Variants in ERGIC1 observed in about 807,000 individuals in gnomAD.
ERGIC1 encodes endoplasmic reticulum-golgi intermediate compartment 1, also known as endoplasmic reticulum-Golgi intermediate compartment protein 1.
ERGIC1 carries 19 observed loss-of-function variants against 38.3 expected under a neutral mutation model. That is an observed-to-expected ratio of 0.50 (90% confidence interval 0.35 to 0.73). The LOEUF (loss-of-function observed/expected upper bound fraction) is 0.73. Ranked by LOEUF, ERGIC1 falls within the 30% of genes least tolerant of loss-of-function variation. The probability of loss-of-function intolerance (pLI) is 0.01; values close to 1 mark genes in which losing one functional copy is unlikely to be tolerated. For synonymous variants in ERGIC1, 124 were observed against 157.6 expected (o/e 0.79, Z 1.60); for missense variants, 294 against 389.2 (o/e 0.76, Z 2.06).
intron 9 of ERGIC1, among the ~76,000 whole-genome samples, chr5:172,948,584 C>T (rs908943728): frequency 6.6e-6 from 1 of 151,976 alleles, no homozygotes; most frequent in Non-Finnish European, 1.5e-5. Context: ...TGTGTGACCT[C>T]GGACAAGTTA....
At chr5:172,836,944 A>C (rs1461880208) in intron 1 of ERGIC1, among the ~76,000 whole-genome samples, 1 of 152,170 alleles carries the variant, frequency 6.6e-6, no homozygotes. Context: ...GCAGTGCATG[A>C]GCTGGTGGAT....
chr5:172,841,367 T>A (rs1327494429), intron 1 of ERGIC1, among the ~76,000 whole-genome samples: 1 of 152,212 alleles, frequency 6.6e-6, no homozygotes, highest in East Asian at 1.9e-4. Context: ...TCCTGTTTTA[T>A]GTCCAGGGAA....
chr5:172,877,235 T>C (rs181634269), intron 1 of ERGIC1, among the ~76,000 whole-genome samples: 9 of 152,242 alleles, frequency 5.9e-5, no homozygotes, highest in African/African-American at 1.9e-4. Flanking sequence ...GTTGAATCTA[T>C]GGATAAATTT....
intron 5 of ERGIC1, among the ~76,000 whole-genome samples, chr5:172,919,550 G>A (rs556420092): frequency 7.9e-5 from 12 of 152,358 alleles, no homozygotes; most frequent in African/African-American, 2.6e-4. Flanking sequence ...GTCCTTTGGG[G>A]TCAGACAGAC....
intron 5 of ERGIC1, among the ~76,000 whole-genome samples, chr5:172,922,869 G>A (rs971527458): frequency 3.3e-5 from 5 of 152,218 alleles, no homozygotes; most frequent in Admixed American, 1.3e-4. Flanking sequence ...CCAGGCTGTG[G>A]GGAACATGGA....
chr5:172,885,137 T>C (rs1050773692), intron 1 of ERGIC1, among the ~76,000 whole-genome samples: 1 of 152,180 alleles, frequency 6.6e-6, no homozygotes, highest in Non-Finnish European at 1.5e-5. Flanking sequence ...TTTTATTTTA[T>C]GTATATTTTT....
In ERGIC1 at chr5:172,893,844, A is replaced by G. The variant is rs1011527221; in HGVS notation, c.83-3158A>G. Among the ~76,000 whole-genome samples the G allele has an allele frequency of 6.8e-5, 9 of 132,466 alleles. 1 individual carries two copies. The South Asian group carries it at 2.3e-3, about 33-fold the overall frequency. 86.9% of individuals were successfully genotyped at this position (132,466 alleles called of 152,430 possible). On this transcript the variant is annotated intron_variant, in intron 2 of 9. Transcript: ENST00000393784. ...AAGCACGGTGGAAAAGAGTGTGCCC[A>G]TTACGCTGCTGTTCACTTAGGGGGA... is the stretch of plus-strand genomic sequence containing the variant.
At chr5:172,945,005 C>T (rs749703066) in intron 9 of ERGIC1, among the ~76,000 whole-genome samples, 7 of 152,246 alleles carry the variant, frequency 4.6e-5, no homozygotes, top group Non-Finnish European at 1.0e-4. Context: ...CTGGAACCCA[C>T]CCATTGGCTC....
chr5:172,922,087 G>C (rs546666484), intron 5 of ERGIC1: 1 of 152,448 alleles, frequency 6.6e-6, no homozygotes, highest in South Asian at 2.1e-4. Flanking sequence ...CATCTCCCCA[G>C]TTCCGGCATC....
At position 172,879,483 on chromosome 5, in the gene ERGIC1, T is replaced by G. The variant is rs1412344548; in HGVS notation, c.21-9216T>G. Among the ~76,000 whole-genome samples the G allele has an allele frequency of 2.6e-5, 4 of 152,244 alleles. No individual in the cohort carries two copies. In the East Asian group the frequency reaches 7.7e-4, roughly 29 times the overall value. On this transcript the variant is annotated intron_variant, in intron 1 of 9. Transcript: ENST00000393784. Reference sequence around the variant, plus strand: ...GGATTTGGCACCTTTTTGATTAACATAGTGACACTTGTACTTACCACGCCC... The same window carrying G: ...GGATTTGGCACCTTTTTGATTAACAGAGTGACACTTGTACTTACCACGCCC...
At chr5:172,923,069 A>C (rs520225) in intron 5 of ERGIC1, among the ~76,000 whole-genome samples, 80,216 of 142,878 alleles carry the variant, frequency 0.56, 23,165 homozygotes, top group African/African-American at 0.61. Context: ...TAGTCTGAGC[A>C]TCTAGGAGGA....
intron 9 of ERGIC1, among the ~76,000 whole-genome samples, chr5:172,938,801 C>T (rs1170592597): frequency 3.4e-5 from 5 of 147,630 alleles, no homozygotes; most frequent in Admixed American, 2.7e-4. Flanking sequence ...CGGTGGCTCA[C>T]GCCTGTAATC....
chr5:172,858,400 G>A (rs2113083549), intron 1 of ERGIC1, among the ~76,000 whole-genome samples: 1 of 152,356 alleles, frequency 6.6e-6, no homozygotes, highest in Admixed American at 6.5e-5. Flanking sequence ...TGATGCGAAG[G>A]GAAGAGCGGA....
chr5:172,902,083 C>T (rs971093308), intron 3 of ERGIC1, among the ~76,000 whole-genome samples: 1 of 152,206 alleles, frequency 6.6e-6, no homozygotes, highest in Non-Finnish European at 1.5e-5. Context: ...GGCTCAGCAC[C>T]TCCCCTCTGT....
chr5:172,947,377 T>C (rs902244975), intron 9 of ERGIC1, among the ~76,000 whole-genome samples: 2 of 152,152 alleles, frequency 1.3e-5, no homozygotes, highest in Middle Eastern at 3.2e-3. Flanking sequence ...GGGATCTCAC[T>C]GTTTTGCCCA....
intron 4 of ERGIC1, among the ~76,000 whole-genome samples, chr5:172,910,781 T>C (rs1323387712): frequency 6.6e-6 from 1 of 152,072 alleles, no homozygotes; most frequent in Admixed American, 6.5e-5. Context: ...CACCTCAGCC[T>C]CCCAAAGTGC....
chr5:172,893,903 A>ATGTGTGTGTGTGTGTG (rs1279828120), intron 2 of ERGIC1, among the ~76,000 whole-genome samples: 3 of 12,882 alleles, frequency 2.3e-4, no homozygotes, highest in African/African-American at 3.6e-4. Context: ...ATATATATAT[A>ATGTGTGTGTGTGTGTG]TATGTGTGTG....
chr5:172,929,444 C>G (rs1164821553), intron 7 of ERGIC1, among the ~76,000 whole-genome samples: 1 of 152,130 alleles, frequency 6.6e-6, no homozygotes, highest in Non-Finnish European at 1.5e-5. Flanking sequence ...CCAGCAGTCT[C>G]TAGGAATGGT....
chr5:172,919,756 A>T (rs565579730), intron 5 of ERGIC1, among the ~76,000 whole-genome samples: 51 of 152,318 alleles, frequency 3.3e-4, no homozygotes, highest in Admixed American at 2.4e-3. Flanking sequence ...CAAAGTTTCC[A>T]TGACCTCATC....
Sources: allele counts gnomAD v4.1 joint callset (sites outside exome capture counted in the v4.1 genomes callset), GRCh38; gene constraint gnomAD v4.1.1; transcripts MANE v1.5; gene names NCBI Gene and HGNC (gene_info 2026-07-23, HGNC 2026-07-21).